The following PTPDC1 variants were observed in gnomAD, a reference collection of about 807,000 sequenced individuals.
PTPDC1 encodes the protein protein tyrosine phosphatase domain-containing protein 1.
A neutral mutation model predicts 75.3 loss-of-function variants in PTPDC1; 53 were observed. The ratio of observed to expected loss-of-function variants is 0.70; its 90% CI spans 0.56 to 0.88. The LOEUF (loss-of-function observed/expected upper bound fraction) is 0.88. PTPDC1 is among the 40% of genes least tolerant of loss of function. The pLI is 0.00. For missense variants in PTPDC1, 925 were observed against 998.6 expected (o/e 0.93, Z 0.99); for synonymous variants, 349 against 366.2 (o/e 0.95, Z 0.54).
chr9:94,053,895 G>T (rs1825857015), intron 1 of PTPDC1, among the ~76,000 whole-genome samples: 1 of 152,226 alleles, frequency 6.6e-6, no homozygotes, highest in Non-Finnish European at 1.5e-5. Context: ...GATGCGTAAG[G>T]CATGATTACT....
At chr9:94,045,632 T>C (rs1022000276) in intron 1 of PTPDC1, among the ~76,000 whole-genome samples, 1 of 152,256 alleles carries the variant, frequency 6.6e-6, no homozygotes, top group African/African-American at 2.4e-5. Flanking sequence ...TTTGGCTGCA[T>C]AAATGTCTTC....
intron 1 of PTPDC1, among the ~76,000 whole-genome samples, chr9:94,051,716 C>T (rs750060922): frequency 3.3e-5 from 5 of 152,192 alleles, no homozygotes; most frequent in South Asian, 2.1e-4. Flanking sequence ...CTTGAAGGAA[C>T]TGGTCCATTT....
intron 8 of PTPDC1, among the ~76,000 whole-genome samples, chr9:94,104,874 C>G (rs371332972): frequency 6.6e-6 from 1 of 152,160 alleles, no homozygotes; most frequent in Admixed American, 6.5e-5. Context: ...CTTTTGGATG[C>G]AGCAGTTTTT....
intron 5 of PTPDC1, 45 bp downstream of exon 5, chr9:94,095,499 A>G: frequency 2.0e-6 from 3 of 1,466,338 alleles, no homozygotes; most frequent in Non-Finnish European, 2.8e-6. Flanking sequence ...ATATTTAAAC[A>G]TAAAAGGAAT....
At chr9:94,087,007 G>A (rs577682646) in intron 2 of PTPDC1, among the ~76,000 whole-genome samples, 1 of 152,308 alleles carries the variant, frequency 6.6e-6, no homozygotes, top group East Asian at 1.9e-4. Flanking sequence ...AACCCTGTGA[G>A]ACAGGCATTA....
At chr9:94,064,815 A>G (rs746663148) in exon 2 of PTPDC1, 2 of 1,609,724 alleles carry the variant, frequency 1.2e-6, no homozygotes, top group Non-Finnish European at 8.5e-7. Context: ...TGTTGCAAAC[A>G]TGAAAGGTAA....
chr9:94,102,954 C>T (rs1411323103), intron 7 of PTPDC1, among the ~76,000 whole-genome samples: 1 of 152,142 alleles, frequency 6.6e-6, no homozygotes, highest in African/African-American at 2.4e-5. Context: ...AACATCTCCT[C>T]AGTTTCTAAA....
intron 1 of PTPDC1, among the ~76,000 whole-genome samples, chr9:94,035,594 A>G (rs1264478838): frequency 6.6e-6 from 1 of 152,202 alleles, no homozygotes; most frequent in African/African-American, 2.4e-5. Context: ...ATAGACACTT[A>G]GTTTGATTCC....
intron 1 of PTPDC1, among the ~76,000 whole-genome samples, chr9:94,034,196 T>G (rs1297400691): frequency 6.6e-6 from 1 of 152,200 alleles, no homozygotes; most frequent in African/African-American, 2.4e-5. Flanking sequence ...CTTAAACTCT[T>G]AAGTCTTAAT....
chr9:94,050,901 C>G (rs1460761028), intron 1 of PTPDC1, among the ~76,000 whole-genome samples: 1 of 152,204 alleles, frequency 6.6e-6, no homozygotes, highest in Non-Finnish European at 1.5e-5. Context: ...CCTACTCAAG[C>G]CTTGGCAATG....
At chr9:94,102,235 T>C (rs1318065775) in intron 7 of PTPDC1, among the ~76,000 whole-genome samples, 1 of 152,106 alleles carries the variant, frequency 6.6e-6, no homozygotes, top group South Asian at 2.1e-4. Context: ...GGAAAAATTA[T>C]GAATTAGGTT....
intron 1 of PTPDC1, among the ~76,000 whole-genome samples, chr9:94,048,410 G>A (rs576403792): frequency 1.3e-5 from 2 of 152,094 alleles, no homozygotes; most frequent in South Asian, 4.2e-4. Flanking sequence ...TTGTGTCTTT[G>A]TTCTCGTTGG....
intron 2 of PTPDC1, among the ~76,000 whole-genome samples, chr9:94,066,352 C>T: frequency 6.6e-6 from 1 of 152,124 alleles, no homozygotes; most frequent in Middle Eastern, 3.4e-3. Context: ...TAAAGCATAT[C>T]TCATCTATAA....
Position 94,036,023 on chromosome 9 carries a change from G to GTTTT in PTPDC1, c.-7+4904_-7+4907dup, listed in dbSNP as rs200873026. Among the ~76,000 whole-genome samples, 56 of 85,530 alleles carry GTTTT rather than the reference G, an allele frequency of 6.5e-4. 2 individuals carry two copies. Among genetic ancestry groups the GTTTT allele is most frequent in the South Asian group, 9.7e-4 (3 of 3,080 alleles). The allele number at this position is 85,530 out of a possible 152,430, so 56.1% of individuals were successfully genotyped here. A position where few individuals can be genotyped will look rare whatever the true frequency, so the allele number is the denominator to read the frequency against. ...TTGCCCATTTTTAATCGGATTATTT[G>GTTTT]TTTTTTTTTTTGTTTTTTTTTTGCT... On this transcript the variant is annotated intron_variant, in intron 1 of 9. Transcript: ENST00000375360.
chr9:94,084,674 C>A lies in PTPDC1; in HGVS notation c.144C>A (p.Ala48=). ...RRGSGLGSGS[A]TKLLSSSSLQ... ...GCTCTGGCTTGGGCTCCGGCTCTGC[C>A]ACGAAGCTGCTGTCCTCGTCCTCTC... Residue 48 remains alanine, a synonymous_variant, in exon 1 of 9, where the codon GCC becomes GCA. Transcript: ENST00000620992. 1 of 1,613,804 alleles carries A rather than the reference C, an allele frequency of 6.2e-7. No homozygotes were observed. The highest frequency in any genetic ancestry group is 8.5e-7 in the Non-Finnish European group (1 of 1,179,856).
rs1034607559 is a variant in PTPDC1, at chr9:94,098,207, T to A, written c.1641T>A (p.Asp547Glu). The A allele has an allele frequency of 1.2e-6, 2 of 1,614,100 alleles. No individual in the cohort carries two copies. Among genetic ancestry groups the A allele is most frequent in the Non-Finnish European group, 1.7e-6 (2 of 1,180,056 alleles). Residue 547 changes from aspartate (D) to glutamate (E), a missense_variant, in exon 6 of 9, where the codon GAT (aspartate) becomes GAA (glutamate). Transcript: ENST00000620992. The part of the protein sequence containing the change: ...EAQQSGAFSA[D>E]VSGSHSPGEP... ...AGCAGAGTGGAGCTTTCTCTGCAGA[T>A]GTTTCAGGCTCACACAGCCCTGGGG... is the stretch of plus-strand genomic sequence containing the variant.
intron 4 of PTPDC1, among the ~76,000 whole-genome samples, chr9:94,094,202 C>G (rs1827440328): frequency 6.6e-6 from 1 of 152,070 alleles, no homozygotes; most frequent in Non-Finnish European, 1.5e-5. Flanking sequence ...TTTTCCCCAT[C>G]TTTGTGGTTT....
chr9:94,090,467 G>A (rs1370423459), intron 4 of PTPDC1, among the ~76,000 whole-genome samples: 1 of 146,054 alleles, frequency 6.8e-6, no homozygotes, highest in Non-Finnish European at 1.5e-5. Flanking sequence ...GTACCATGCT[G>A]TTTTGGTTAC....
intron 1 of PTPDC1, among the ~76,000 whole-genome samples, chr9:94,061,638 C>T (rs1039068155): frequency 9.8e-5 from 15 of 152,360 alleles, no homozygotes; most frequent in African/African-American, 3.1e-4. Flanking sequence ...GGCTTAACAC[C>T]ACATGGGAGA....
Sources: allele counts gnomAD v4.1 joint callset (sites outside exome capture counted in the v4.1 genomes callset), GRCh38; gene constraint gnomAD v4.1.1; transcripts MANE v1.5; gene names NCBI Gene and HGNC (gene_info 2026-07-23, HGNC 2026-07-21).